SUGP2: variants seen among roughly 807,000 people sequenced by gnomAD.
SUGP2 encodes the protein SURP and G-patch domain containing 2, also known as SURP and G-patch domain-containing protein 2.
Under a neutral mutation model 90.5 loss-of-function variants are expected in SUGP2, and 24 were observed. The observed-to-expected ratio is 0.27, with a 90% CI of 0.19 to 0.37. SUGP2 has a LOEUF of 0.37. SUGP2 is among the 10% of genes least tolerant of loss of function. SUGP2 has a pLI of 1.00. For missense variants in SUGP2, 1,233 were observed against 1,363.3 expected (o/e 0.90, Z 1.51); for synonymous variants, 473 against 513.4 (o/e 0.92, Z 1.06).
Position 19,010,032 on chromosome 19 carries a change from A to T in SUGP2, c.2161T>A (p.Ser721Thr). Residue 721 changes from serine (S) to threonine (T), a missense_variant, in exon 5 of 11, where the codon TCA (serine) becomes ACA (threonine). Around this residue, in one of 8 missense-constraint regions of SUGP2, gnomAD observed 540 missense variants for 542.6 expected, o/e 1.00. Coordinates refer to ENST00000452918, the MANE Select transcript of SUGP2 (RefSeq NM_001017392.5). Reference sequence around the variant, plus strand: ...TCTGGCAGGGATGGTTTTGCCTGTGAGAGGCCTGGAGCCTGCCGGCCGTGG... The same window carrying T: ...TCTGGCAGGGATGGTTTTGCCTGTGTGAGGCCTGGAGCCTGCCGGCCGTGG... ...KHHGRQAPGL[S>T]QAKPSLPDRN... 1 of 1,613,094 alleles carries T rather than the reference A, an allele frequency of 6.2e-7. No homozygotes were observed. The highest frequency in any genetic ancestry group is 8.5e-7 in the Non-Finnish European group (1 of 1,179,964).
chr19:19,019,660 T>C (rs1007223616), intron 3 of SUGP2, among the ~76,000 whole-genome samples: 2 of 151,518 alleles, frequency 1.3e-5, no homozygotes, highest in Non-Finnish European at 2.9e-5. Flanking sequence ...AATATAAATA[T>C]GGATACATAG....
At chr19:19,008,126 C>G (rs758699120) in intron 6 of SUGP2, among the ~76,000 whole-genome samples, 191 bp downstream of exon 6, 8 of 152,100 alleles carry the variant, frequency 5.3e-5, no homozygotes, top group Non-Finnish European at 1.0e-4. Flanking sequence ...ATGCTTGTGG[C>G]GTGAACACAC....
At chr19:19,014,754 T>C (rs1428372492) in intron 4 of SUGP2, among the ~76,000 whole-genome samples, 2 of 151,108 alleles carry the variant, frequency 1.3e-5, no homozygotes, top group Non-Finnish European at 2.9e-5. Flanking sequence ...ACTATGATCA[T>C]GCCACTGTGC....
chr19:19,015,483 C>T (rs1210634301), intron 4 of SUGP2, among the ~76,000 whole-genome samples: 1 of 152,120 alleles, frequency 6.6e-6, no homozygotes, highest in Non-Finnish European at 1.5e-5. Flanking sequence ...ACACTCTTTC[C>T]TCTTACAGTC....
Position 19,033,488 on chromosome 19 carries a change from C to A in SUGP2, c.-63G>T, listed in dbSNP as rs1478541205. 4.3e-6 allele frequency: 6 copies of A among 1,402,688 alleles called. No individual in the cohort carries two copies. Among genetic ancestry groups the A allele is most frequent in the Non-Finnish European group, 5.6e-6 (6 of 1,077,120 alleles). The allele number at this position is 1,402,688 out of a possible 1,614,324, so 86.9% of individuals were successfully genotyped here. ...CCCCGCCGCCGCCTCAGGCTCCTCACCCGCCGCCGCCGCCGCGCGAGGCGG... is the reference window on the plus strand; with the variant it reads ...CCCCGCCGCCGCCTCAGGCTCCTCAACCGCCGCCGCCGCCGCGCGAGGCGG... On this transcript the variant is annotated 5_prime_UTR_variant, in exon 1 of 11. Coordinates refer to ENST00000452918, the MANE Select transcript of SUGP2 (RefSeq NM_001017392.5).
At chr19:18,994,548 TGGGCATGG>T in intron 9 of SUGP2, 62 bp from the exon 10 acceptor site, 5 of 1,592,480 alleles carry the variant, frequency 3.1e-6, no homozygotes, top group Non-Finnish European at 4.3e-6. Flanking sequence ...TGCCAGGAAC[TGGGCATGG>T]GCACAAACAG....
At chr19:19,023,755 A>T (rs1458951297) in intron 3 of SUGP2, among the ~76,000 whole-genome samples, 1 of 152,006 alleles carries the variant, frequency 6.6e-6, no homozygotes, top group East Asian at 1.9e-4. Context: ...TTAGCCAGGC[A>T]TGGTGGTACA....
At chr19:18,994,609 AG>A in intron 9 of SUGP2, 123 bp from the exon 10 acceptor site, 2 of 1,360,790 alleles carry the variant, frequency 1.5e-6, no homozygotes, top group East Asian at 4.7e-5. Context: ...GAGACATCAA[AG>A]AAAGGGAAAA....
intron 3 of SUGP2, among the ~76,000 whole-genome samples, chr19:19,021,261 TA>T (rs2058717420): frequency 6.6e-6 from 1 of 152,106 alleles, no homozygotes; most frequent in Admixed American, 6.6e-5. Context: ...GTTTGTTCTG[TA>T]AATGATTGCA....
At chr19:18,993,808 A>G (rs927464838) in intron 10 of SUGP2, 68 bp from the exon 11 acceptor site, 2 of 152,430 alleles carry the variant, frequency 1.3e-5, no homozygotes, top group Admixed American at 1.3e-4. Flanking sequence ...AACTAAAAAA[A>G]AAAAAGAATA....
intron 6 of SUGP2, among the ~76,000 whole-genome samples, chr19:19,005,844 AACACACACAC>A (rs67270368): frequency 1.3e-4 from 6 of 46,402 alleles, no homozygotes; most frequent in Admixed American, 9.1e-4. Context: ...CAGGCTAACA[AACACACACAC>A]ACACACACAC....
At chr19:19,018,720 T>C (rs1265080009) in intron 4 of SUGP2, among the ~76,000 whole-genome samples, 1 of 151,736 alleles carries the variant, frequency 6.6e-6, no homozygotes, top group African/African-American at 2.4e-5. Flanking sequence ...TTGTTCTATT[T>C]ACATAAAGAG....
intron 3 of SUGP2, among the ~76,000 whole-genome samples, chr19:19,020,062 T>A (rs12981035): frequency 0.73 from 89,520 of 122,376 alleles, 32,527 homozygotes; most frequent in East Asian, 0.87. Context: ...CAAAAAAAAA[T>A]AAATAAATAA....
intron 7 of SUGP2, chr19:19,003,400 T>G (rs76554351): frequency 1.3e-5 from 2 of 152,268 alleles, no homozygotes; most frequent in African/African-American, 4.8e-5. Flanking sequence ...TTGGAGGGCA[T>G]TGGGGGCACA....
chr19:19,024,825 G>A lies in SUGP2; in HGVS notation c.1523C>T (p.Ala508Val). ...GTTTGGAAACGCAGCAGGTGAGGGA[G>A]CTATATCTTGCAGGCCGACAGCTTC... is the stretch of plus-strand genomic sequence containing the variant. ...ILEAVGLQDI[A>V]PSPAAFPNFE... The change falls in exon 3 of 11, where the codon GCT (alanine) becomes GTT (valine). Residue 508 changes from alanine to valine, a missense_variant. Transcript: ENST00000452918. 1 of 1,614,210 alleles carries A rather than the reference G, an allele frequency of 6.2e-7. No individual in the cohort carries two copies. Among genetic ancestry groups the A allele is most frequent in the South Asian group, 1.1e-5 (1 of 91,086 alleles).
rs551948100 is a variant in SUGP2, at chr19:19,013,038, A to AT, written c.1851-2697dup. ...GCCACCACACCCAGCTAATTTTCGA[A>AT]TTTTTTTTAGCAGAGATGGGGTTTC... is the stretch of plus-strand genomic sequence containing the variant. On this transcript the variant is annotated intron_variant, in intron 4 of 10. Transcript: ENST00000452918. Among the ~76,000 whole-genome samples, 606 of 151,746 alleles carry AT rather than the reference A, an allele frequency of 4.0e-3. 6 individuals are homozygous for AT. The highest frequency in any genetic ancestry group is 0.014 in the African/African-American group (587 of 41,404).
intron 4 of SUGP2, among the ~76,000 whole-genome samples, chr19:19,016,225 G>T (rs998421103): frequency 3.3e-5 from 5 of 151,910 alleles, no homozygotes; most frequent in Non-Finnish European, 2.9e-5. Flanking sequence ...TAGAGACAGG[G>T]TTTCACCGTG....
rs1406836392 is a variant in SUGP2 at position 19,025,473 on chromosome 19, T to C, written c.875A>G (p.Gln292Arg). ...CAGAGGGATCTTCTGAATGGGGAACTGGATATCTTCTGTCCCTGGGTTTGT... is the reference window on the plus strand; with the variant it reads ...CAGAGGGATCTTCTGAATGGGGAACCGGATATCTTCTGTCCCTGGGTTTGT... ...LGTNPGTEDI[Q>R]FPIQKIPLGL... The change falls in exon 3 of 11, where the codon CAG becomes CGG. Residue 292 changes from glutamine to arginine, a missense_variant. This residue lies in a region of SUGP2 where 418 missense variants were observed against 399.9 expected (regional missense o/e 1.05). Coordinates refer to ENST00000452918, the MANE Select transcript of SUGP2 (RefSeq NM_001017392.5). 1.2e-6 allele frequency: 2 copies of C among 1,614,074 alleles called. No homozygotes were observed. The highest frequency in any genetic ancestry group is 1.7e-6 in the Non-Finnish European group (2 of 1,180,044).
intron 4 of SUGP2, among the ~76,000 whole-genome samples, chr19:19,017,358 T>C (rs2058538117): frequency 6.6e-6 from 1 of 152,202 alleles, no homozygotes; most frequent in South Asian, 2.1e-4. Flanking sequence ...GTATTCTGGG[T>C]TGTTACTAGT....
Sources: allele counts gnomAD v4.1 joint callset (sites outside exome capture counted in the v4.1 genomes callset), GRCh38; gene constraint gnomAD v4.1.1; regional missense constraint gnomAD v4.1.1; transcripts MANE v1.5; gene names NCBI Gene and HGNC (gene_info 2026-07-23, HGNC 2026-07-21).